CSMD1: variants seen among roughly 807,000 people sequenced by gnomAD.
CSMD1 encodes CUB and sushi domain-containing protein 1.
Under a neutral mutation model 417.5 loss-of-function variants are expected in CSMD1, and 213 were observed. The ratio of observed to expected loss-of-function variants is 0.51; its 90% CI spans 0.46 to 0.57. The LOEUF (loss-of-function observed/expected upper bound fraction) is 0.57, where lower values mean the gene tolerates loss of function less well. CSMD1 is among the 20% of genes least tolerant of loss of function. The pLI, the probability that CSMD1 is intolerant of heterozygous loss-of-function variation, is 0.00. For synonymous variants in CSMD1, 2,862 were observed against 1,736.8 expected (o/e 1.65, Z -16.11); for missense variants, 6,923 against 4,529.7 (o/e 1.53, Z -15.17).
intron 1 of CSMD1, among the ~76,000 whole-genome samples, chr8:4,851,176 T>C (rs893657593): frequency 7.0e-6 from 1 of 143,264 alleles, no homozygotes; most frequent in Non-Finnish European, 1.5e-5. Flanking sequence ...AATTCCCACC[T>C]ATGAGTGAAA....
intron 52 of CSMD1, among the ~76,000 whole-genome samples, chr8:3,011,201 T>G (rs1808356978): frequency 6.6e-6 from 1 of 152,270 alleles, no homozygotes; most frequent in Non-Finnish European, 1.5e-5. Flanking sequence ...AACCCACCGC[T>G]GAGAAGTTTG....
chr8:4,875,824 GAC>G (rs146525901), intron 1 of CSMD1, among the ~76,000 whole-genome samples: 34 of 149,792 alleles, frequency 2.3e-4, no homozygotes, highest in Admixed American at 8.0e-4. Context: ...CACAGAGACA[GAC>G]ACACACACAC....
chr8:3,218,019 T>A (rs113175410), intron 29 of CSMD1, among the ~76,000 whole-genome samples: 2 of 152,330 alleles, frequency 1.3e-5, no homozygotes, highest in African/African-American at 4.8e-5. Flanking sequence ...AGAAATAAAT[T>A]TGAAAAAACA....
chr8:3,516,803 C>T (rs949255853), intron 10 of CSMD1, among the ~76,000 whole-genome samples: 1 of 152,038 alleles, frequency 6.6e-6, no homozygotes, highest in Non-Finnish European at 1.5e-5. Context: ...TACCATTTGG[C>T]CCAACAATCC....
At chr8:3,307,416 GT>G (rs5888959) in intron 25 of CSMD1, among the ~76,000 whole-genome samples, 136,981 of 152,016 alleles carry the variant, frequency 0.9, 62,076 homozygotes, top group Middle Eastern at 0.96. Context: ...AAGTCATGAT[GT>G]TTTTTTTCAG....
chr8:3,959,965 T>C (rs998823857), intron 5 of CSMD1, among the ~76,000 whole-genome samples: 9 of 152,204 alleles, frequency 5.9e-5, no homozygotes, highest in African/African-American at 1.7e-4. Context: ...CTTGAACATT[T>C]ACGAAATAAC....
At chr8:3,560,484 C>G (rs1284118730) in intron 10 of CSMD1, among the ~76,000 whole-genome samples, 1 of 152,082 alleles carries the variant, frequency 6.6e-6, no homozygotes, top group South Asian at 2.1e-4. Context: ...TCTTCTCATG[C>G]TGTATTAGTG....
At chr8:3,638,816 C>T (rs1797169356) in intron 7 of CSMD1, among the ~76,000 whole-genome samples, 1 of 152,156 alleles carries the variant, frequency 6.6e-6, no homozygotes, top group South Asian at 2.1e-4. Flanking sequence ...CTCCCTCTCT[C>T]CTTCCTCACA....
At chr8:4,446,441 A>T (rs1371503975) in intron 2 of CSMD1, among the ~76,000 whole-genome samples, 1 of 152,090 alleles carries the variant, frequency 6.6e-6, no homozygotes, top group Non-Finnish European at 1.5e-5. Flanking sequence ...CCCGCTACTC[A>T]GGTGGCTGAG....
At chr8:4,698,652 G>C (rs1269678149) in intron 1 of CSMD1, among the ~76,000 whole-genome samples, 5 of 149,560 alleles carry the variant, frequency 3.3e-5, no homozygotes, top group African/African-American at 4.9e-5. Context: ...AGAAGGAAGG[G>C]AGAAGACAGG....
chr8:4,334,961 T>G (rs1296944692), intron 3 of CSMD1, among the ~76,000 whole-genome samples: 1 of 152,110 alleles, frequency 6.6e-6, no homozygotes, highest in Admixed American at 6.6e-5. Flanking sequence ...CACATGACAG[T>G]AAAACCAGTG....
At chr8:3,801,986 T>A (rs1800482885) in intron 5 of CSMD1, among the ~76,000 whole-genome samples, 1 of 152,094 alleles carries the variant, frequency 6.6e-6, no homozygotes, top group Admixed American at 6.6e-5. Context: ...TTAGGGGTGA[T>A]GAAAATATTC....
chr8:4,877,852 A>C (rs982221712), intron 1 of CSMD1, among the ~76,000 whole-genome samples: 1 of 152,102 alleles, frequency 6.6e-6, no homozygotes, highest in Non-Finnish European at 1.5e-5. Flanking sequence ...GAAAATATTT[A>C]AACAACAAAT....
At position 3,354,942 on chromosome 8, in the gene CSMD1, T is replaced by C. The variant is rs562808987; in HGVS notation, c.3304+4210A>G. Among the ~76,000 whole-genome samples, 8 of 151,232 alleles carry C rather than the reference T, an allele frequency of 5.3e-5. 1 individual carries two copies. In the South Asian group the frequency reaches 1.0e-3, roughly 20 times the overall value. Reference sequence around the variant, plus strand: ...GTCTATCTATAGATATAGATATATATAGAGAGACAGAGAAAGAGAGTTTAG... The same window carrying C: ...GTCTATCTATAGATATAGATATATACAGAGAGACAGAGAAAGAGAGTTTAG... On this transcript the variant is annotated intron_variant, in intron 21 of 69. Transcript: ENST00000635120.
In CSMD1 at chr8:4,668,414, C is replaced by CTAT. The variant is rs1563103607; in HGVS notation, c.86-30857_86-30856insATA. On this transcript the variant is annotated intron_variant, in intron 1 of 69. Coordinates refer to ENST00000635120, the MANE Select transcript of CSMD1 (RefSeq NM_033225.6). ...CACTCTAACTTGCTTTTGATGTTTTCCATTATTATTATTATTATTATTATT... is the reference window on the plus strand; with the variant it reads ...CACTCTAACTTGCTTTTGATGTTTTCTATCATTATTATTATTATTATTATTATT... Among the ~76,000 whole-genome samples, 47 of 123,198 alleles carry CTAT rather than the reference C, an allele frequency of 3.8e-4. 1 individual carries two copies. The highest frequency in any genetic ancestry group is 1.1e-3 in the African/African-American group (37 of 32,578). The allele number at this position is 123,198 out of a possible 152,430, so 80.8% of individuals were successfully genotyped here. A position where few individuals can be genotyped will look rare whatever the true frequency, so the allele number is the denominator to read the frequency against.
chr8:4,193,955 TTTATATTCTTTCCTAAG>T (rs1799187709), intron 3 of CSMD1, among the ~76,000 whole-genome samples: 4 of 152,024 alleles, frequency 2.6e-5, no homozygotes. Flanking sequence ...CTGCAGGTAA[TTTATATTCTTTCCTAAG>T]TAAATGTTCT....
chr8:3,735,932 T>A (rs1460578750), intron 6 of CSMD1, among the ~76,000 whole-genome samples: 2 of 151,806 alleles, frequency 1.3e-5, no homozygotes, highest in Non-Finnish European at 2.9e-5. Flanking sequence ...TAAAGCTTTC[T>A]TGCTAGGGAA....
intron 26 of CSMD1, among the ~76,000 whole-genome samples, chr8:3,255,130 G>A (rs1321187330): frequency 6.6e-6 from 1 of 152,164 alleles, no homozygotes; most frequent in Non-Finnish European, 1.5e-5. Flanking sequence ...GTTTGCGGAG[G>A]TCCACTCCAG....
intron 5 of CSMD1, among the ~76,000 whole-genome samples, chr8:3,957,461 T>C (rs903087773): frequency 6.6e-6 from 1 of 152,276 alleles, no homozygotes. Context: ...GAGAAGCCCC[T>C]GAGCCTAGGA....
Sources: allele counts gnomAD v4.1 joint callset (sites outside exome capture counted in the v4.1 genomes callset), GRCh38; gene constraint gnomAD v4.1.1; transcripts MANE v1.5; gene names NCBI Gene and HGNC (gene_info 2026-07-23, HGNC 2026-07-21).